The following OCA2 variants were observed in gnomAD, a reference collection of about 807,000 sequenced individuals.
OCA2 encodes P protein.
OCA2 carries 77 observed loss-of-function variants against 100.2 expected under a neutral mutation model. The observed-to-expected ratio is 0.77, with a 90% CI of 0.64 to 0.93. The LOEUF is 0.93. OCA2 is among the 40% of genes least tolerant of loss of function. OCA2 has a pLI of 0.00. For synonymous variants in OCA2, 432 were observed against 439.2 expected, an observed-to-expected ratio of 0.98 and a Z score of 0.21; for missense variants, 1,062 against 1,089.1, an observed-to-expected ratio of 0.98 and a Z score of 0.35.
At chr15:27,950,347 T>C (rs2039987316) in intron 18 of OCA2, among the ~76,000 whole-genome samples, 1 of 152,208 alleles carries the variant, frequency 6.6e-6, no homozygotes, top group Non-Finnish European at 1.5e-5. Flanking sequence ...ATTCTTGTAG[T>C]CATTAAGGTT....
intron 19 of OCA2, among the ~76,000 whole-genome samples, chr15:27,890,982 A>G (rs2594888): frequency 0.42 from 64,055 of 151,304 alleles, 15,469 homozygotes; most frequent in African/African-American, 0.64. Flanking sequence ...CCAAGATTGC[A>G]CCACTGCACT....
At chr15:27,895,913 G>A in intron 19 of OCA2, 1 of 615,048 alleles carries the variant, frequency 1.6e-6, no homozygotes, top group South Asian at 1.8e-5. Flanking sequence ...CCGTACAGAA[G>A]GGGATATGAT....
intron 21 of OCA2, 40 bp downstream of exon 21, chr15:27,871,114 G>C (rs747644388): frequency 6.8e-7 from 1 of 1,468,024 alleles, no homozygotes; most frequent in Admixed American, 1.7e-5. Flanking sequence ...GCTATGTCCA[G>C]GCTAAAGTTG....
At chr15:27,962,989 A>G (rs2040455275) in intron 15 of OCA2, among the ~76,000 whole-genome samples, 1 of 152,226 alleles carries the variant, frequency 6.6e-6, no homozygotes, top group South Asian at 2.1e-4. Context: ...TGAAATTGTT[A>G]TATTAACAAC....
At chr15:27,803,552 C>G (rs1370899759) in intron 23 of OCA2, among the ~76,000 whole-genome samples, 1 of 152,094 alleles carries the variant, frequency 6.6e-6, no homozygotes, top group East Asian at 1.9e-4. Context: ...AGGGACAGAA[C>G]AGAATAGTGG....
At chr15:28,024,656 A>G (rs1428589173) in intron 5 of OCA2, among the ~76,000 whole-genome samples, 189 bp downstream of exon 5, 1 of 152,216 alleles carries the variant, frequency 6.6e-6, no homozygotes, top group Admixed American at 6.5e-5. Context: ...AGAGGAGCAC[A>G]GCTGCGGCCT....
At chr15:28,002,499 A>G (rs1475926801) in intron 9 of OCA2, among the ~76,000 whole-genome samples, 2 of 152,268 alleles carry the variant, frequency 1.3e-5, no homozygotes, top group Admixed American at 1.3e-4. Context: ...TCCTTATCCC[A>G]TCACTGGCTC....
intron 19 of OCA2, among the ~76,000 whole-genome samples, chr15:27,892,541 T>C (rs200291924): frequency 1.0e-3 from 55 of 54,370 alleles, no homozygotes; most frequent in African/African-American, 8.7e-3. Context: ...CATAGAAACA[T>C]ATAGGGTGCA....
At chr15:27,795,722 T>C (rs2033301199) in intron 23 of OCA2, among the ~76,000 whole-genome samples, 1 of 152,218 alleles carries the variant, frequency 6.6e-6, no homozygotes. Flanking sequence ...GCACCCTGCC[T>C]GGCAGCTTAA....
At chr15:28,038,840 C>T (rs1001753396) in intron 2 of OCA2, among the ~76,000 whole-genome samples, 10 of 152,270 alleles carry the variant, frequency 6.6e-5, no homozygotes, top group African/African-American at 2.4e-4. Flanking sequence ...TGTAAATGGA[C>T]TAAGCTCTCC....
chr15:27,998,625 G>C (rs1430310753), intron 9 of OCA2, among the ~76,000 whole-genome samples: 7 of 141,738 alleles, frequency 4.9e-5, no homozygotes, highest in Non-Finnish European at 9.3e-5. Flanking sequence ...TTCAACCATT[G>C]TGGAAGTCAG....
At chr15:27,869,223 C>T (rs1465988671) in intron 21 of OCA2, among the ~76,000 whole-genome samples, 1 of 152,214 alleles carries the variant, frequency 6.6e-6, no homozygotes, top group Non-Finnish European at 1.5e-5. Context: ...TATGTGGCTT[C>T]TGCCCCTGTG....
intron 18 of OCA2, among the ~76,000 whole-genome samples, chr15:27,942,540 G>C (rs933545305): frequency 1.3e-5 from 2 of 152,042 alleles, no homozygotes; most frequent in Non-Finnish European, 2.9e-5. Flanking sequence ...CTACTAATGG[G>C]TATAGGATTA....
chr15:27,755,943 CTG>C (rs2030325913), intron 23 of OCA2, among the ~76,000 whole-genome samples: 1 of 152,192 alleles, frequency 6.6e-6, no homozygotes, highest in South Asian at 2.1e-4. Context: ...CTAAGGCCAA[CTG>C]TTGTCTAAGG....
intron 23 of OCA2, chr15:27,776,499 A>C (rs547404501): frequency 2.6e-5 from 4 of 152,216 alleles, no homozygotes; most frequent in Admixed American, 6.5e-5. Context: ...TGCACAGCCC[A>C]TGTCTCTTCC....
chr15:27,944,307 T>C (rs539470789), intron 18 of OCA2, among the ~76,000 whole-genome samples: 2 of 152,350 alleles, frequency 1.3e-5, no homozygotes, highest in East Asian at 3.9e-4. Context: ...CAATTATTCT[T>C]GGGCTTAAGG....
chr15:27,808,062 G>C (rs1175083606), intron 23 of OCA2, among the ~76,000 whole-genome samples: 1 of 152,248 alleles, frequency 6.6e-6, no homozygotes, highest in Non-Finnish European at 1.5e-5. Flanking sequence ...TACTATTGAG[G>C]AAGGTAAGTC....
At chr15:27,758,501 C>G (rs1225754288) in intron 23 of OCA2, among the ~76,000 whole-genome samples, 1 of 152,170 alleles carries the variant, frequency 6.6e-6, no homozygotes, top group African/African-American at 2.4e-5. Flanking sequence ...AGCCAATCAA[C>G]AGAAGCCAAT....
At chr15:28,015,004 A>G in intron 8 of OCA2, 75 bp from the exon 9 acceptor site, 2 of 1,488,020 alleles carry the variant, frequency 1.3e-6, no homozygotes, top group Non-Finnish European at 1.9e-6. Flanking sequence ...CAGCCATGGC[A>G]TTAACCAGAG....
Sources: allele counts gnomAD v4.1 joint callset (sites outside exome capture counted in the v4.1 genomes callset), GRCh38; gene constraint gnomAD v4.1.1; transcripts MANE v1.5; gene names NCBI Gene and HGNC (gene_info 2026-07-23, HGNC 2026-07-21).